Variants in HDAC8 observed in about 807,000 individuals in gnomAD.
The protein encoded by HDAC8 is histone deacetylase 8.
In HDAC8, 1 loss-of-function variant was observed where a neutral mutation model predicts 32.2. The observed-to-expected ratio is 0.03, with a 90% CI of 0.01 to 0.15. The LOEUF is 0.15. HDAC8 is among the 10% of genes least tolerant of loss of function. HDAC8 has a pLI of 1.00. For synonymous variants in HDAC8, 108 were observed against 113.9 expected (o/e 0.95, Z 0.33); for missense variants, 117 against 300.0 (o/e 0.39, Z 4.51).
chrX:72,525,813 CAAAAAAAAAAAAAAAAAAA>C (rs57801277), intron 4 of HDAC8, among the ~76,000 whole-genome samples: 13 of 21,559 alleles, frequency 6.0e-4, no homozygotes, highest in African/African-American at 2.0e-3. Flanking sequence ...GACTCTGTCT[CAAAAAAAAAAAAAAAAAAA>C]AAAAAAAAAA....
Position 72,351,768 on chromosome X carries a change from G to A in HDAC8, c.1076C>T (p.Pro359Leu). The change falls in exon 10 of 11, where the codon CCC becomes CTC. Residue 359 changes from proline to leucine, a missense_variant. Pro to Leu is a moderately conservative substitution (Grantham distance 98, BLOSUM62 -3). Coordinates refer to ENST00000373573, the MANE Select transcript of HDAC8 (RefSeq NM_018486.3). ...TPSCRPDRNE[P>L]HRIQQILNYI... is the part of the protein sequence containing the mutation. Reference sequence around the variant, plus strand: ...GTTGAGGATTTGTTGGATTCGGTGGGGCTCATTGCGGTCTGGCCGGCAGCT... The same window carrying A: ...GTTGAGGATTTGTTGGATTCGGTGGAGCTCATTGCGGTCTGGCCGGCAGCT... The A allele has an allele frequency of 8.3e-7, 1 of 1,210,394 alleles. No individual in the cohort carries two copies. Among genetic ancestry groups the A allele is most frequent in the Non-Finnish European group, 1.1e-6 (1 of 894,180 alleles).
At chrX:72,364,917 G>C (rs2044655782) in intron 9 of HDAC8, among the ~76,000 whole-genome samples, 1 of 111,274 alleles carries the variant, frequency 9.0e-6, no homozygotes, top group South Asian at 3.8e-4. Context: ...CTCATTACTT[G>C]TTAAACAAAG....
At chrX:72,434,367 A>G (rs1555978411) in intron 9 of HDAC8, among the ~76,000 whole-genome samples, 1 of 112,072 alleles carries the variant, frequency 8.9e-6, no homozygotes, top group Non-Finnish European at 1.9e-5. Flanking sequence ...TTTTGTATTT[A>G]AAGAGTTCCT....
At chrX:72,397,861 T>C (rs1281369147) in intron 9 of HDAC8, among the ~76,000 whole-genome samples, 1 of 112,341 alleles carries the variant, frequency 8.9e-6, no homozygotes, top group Non-Finnish European at 1.9e-5. Flanking sequence ...TTTCACTGTG[T>C]TACCATACCA....
rs34829256 is a variant in HDAC8 at position 72,532,249 on chromosome X, A to ATTTTTTT, written c.437+35633_437+35639dup. 3.1e-3 allele frequency among the ~76,000 whole-genome samples: 169 copies of ATTTTTTT among 54,180 alleles called. 7 individuals carry two copies. The highest frequency in any genetic ancestry group is 4.5e-3 in the Non-Finnish European group (147 of 32,336). The allele number at this position is 54,180 out of a possible 115,157, so 47.0% of individuals were successfully genotyped here. On this transcript the variant is annotated intron_variant, in intron 4 of 10. Transcript: ENST00000373573. ...ATAGGCATGCACCACCGTGTTGGGC[A>ATTTTTTT]TTTTTTTTTTTTTTTTTTTTTTTTT... is the stretch of plus-strand genomic sequence containing the variant.
At chrX:72,534,601 A>G (rs1173388195) in intron 4 of HDAC8, among the ~76,000 whole-genome samples, 2 of 111,714 alleles carry the variant, frequency 1.8e-5, no homozygotes, top group Admixed American at 9.5e-5. Context: ...AAGCCATTGC[A>G]TCCGGCCCCT....
At chrX:72,453,413 T>C (rs1244202751) in intron 9 of HDAC8, among the ~76,000 whole-genome samples, 2 of 104,946 alleles carry the variant, frequency 1.9e-5, no homozygotes, top group Non-Finnish European at 3.9e-5. Flanking sequence ...GCTATGACTA[T>C]ACCACTGCGC....
At chrX:72,435,734 G>A (rs1302863516) in intron 9 of HDAC8, among the ~76,000 whole-genome samples, 1 of 111,773 alleles carries the variant, frequency 8.9e-6, no homozygotes, top group East Asian at 2.8e-4. Flanking sequence ...TTGGGAGGCT[G>A]AGGCAGGCAG....
chrX:72,338,693 ATATATATATT>A (rs2043799810), intron 10 of HDAC8, among the ~76,000 whole-genome samples: 3 of 100,288 alleles, frequency 3.0e-5, no homozygotes, highest in Non-Finnish European at 6.0e-5. Context: ...ACAAATATAT[ATATATATATT>A]TATATATATA....
intron 4 of HDAC8, among the ~76,000 whole-genome samples, chrX:72,544,089 AGTATGCCCTGGCTGGTCCAGGCT>A (rs1281859371): frequency 1.8e-5 from 2 of 112,356 alleles, no homozygotes; most frequent in Non-Finnish European, 3.8e-5. Flanking sequence ...GATGGGTGCG[AGTATGCCCTGGCTGGTCCAGGCT>A]GTAATGGTTT....
At chrX:72,388,285 G>C in intron 9 of HDAC8, among the ~76,000 whole-genome samples, 1 of 109,765 alleles carries the variant, frequency 9.1e-6, no homozygotes, top group Middle Eastern at 4.7e-3. Flanking sequence ...CTGATATGAA[G>C]GATGGATTAT....
chrX:72,384,332 C>T (rs1272438477), intron 9 of HDAC8, among the ~76,000 whole-genome samples: 1 of 112,368 alleles, frequency 8.9e-6, no homozygotes, highest in Non-Finnish European at 1.9e-5. Context: ...ACCTCTCTAG[C>T]TGCATCTCTT....
At chrX:72,475,147 T>G (rs1295521891) in intron 7 of HDAC8, among the ~76,000 whole-genome samples, 2 of 111,382 alleles carry the variant, frequency 1.8e-5, no homozygotes, top group Non-Finnish European at 1.9e-5. Flanking sequence ...GTCATCTTCA[T>G]GCTTTCCAAC....
intron 7 of HDAC8, among the ~76,000 whole-genome samples, chrX:72,465,976 T>C (rs982186836): frequency 8.9e-6 from 1 of 111,976 alleles, no homozygotes; most frequent in Non-Finnish European, 1.9e-5. Context: ...AAGAATATTA[T>C]AAAAATAATG....
At chrX:72,515,590 G>C (rs868907759) in intron 4 of HDAC8, among the ~76,000 whole-genome samples, 1 of 85,657 alleles carries the variant, frequency 1.2e-5, no homozygotes, top group Middle Eastern at 5.9e-3. Context: ...GTGTGTGTGG[G>C]GGGGGGGTGG....
intron 4 of HDAC8, among the ~76,000 whole-genome samples, chrX:72,556,621 C>T (rs1479036778): frequency 8.1e-5 from 9 of 111,735 alleles, no homozygotes; most frequent in African/African-American, 2.9e-4. Context: ...TCAGACAAAA[C>T]AAACTTTAAA....
In HDAC8 at chrX:72,571,215, C is replaced by T. The variant is rs187703508; in HGVS notation, c.164+842G>A. Among the ~76,000 whole-genome samples the T allele has an allele frequency of 4.7e-4, 53 of 111,950 alleles. No homozygotes were observed. The East Asian group carries it at 0.011, about 24-fold the overall frequency. On this transcript the variant is annotated intron_variant, in intron 2 of 10. Coordinates refer to ENST00000373573, the MANE Select transcript of HDAC8 (RefSeq NM_018486.3). ...CTAGGATTACAGGCGTGAGCCACCA[C>T]GCCCGGCCTTCTTTGGTCTTGATCT...
chrX:72,467,881 A>G, intron 7 of HDAC8: 4 of 977,844 alleles, frequency 4.1e-6, no homozygotes, highest in South Asian at 2.3e-5. Context: ...GCATATACAT[A>G]TAACATTTAT....
At chrX:72,538,163 C>G (rs2050588663) in intron 4 of HDAC8, among the ~76,000 whole-genome samples, 1 of 108,930 alleles carries the variant, frequency 9.2e-6, no homozygotes, top group Non-Finnish European at 1.9e-5. Context: ...CTTCCTTTCT[C>G]TTAGCCCTTG....
Sources: allele counts gnomAD v4.1 joint callset (sites outside exome capture counted in the v4.1 genomes callset), GRCh38; gene constraint gnomAD v4.1.1; transcripts MANE v1.5; gene names NCBI Gene and HGNC (gene_info 2026-07-23, HGNC 2026-07-21).